PGS1: variants seen among roughly 807,000 people sequenced by gnomAD.
PGS1 encodes the protein phosphatidylglycerophosphate synthase 1, also known as CDP-diacylglycerol--glycerol-3-phosphate 3-phosphatidyltransferase, mitochondrial.
A neutral mutation model predicts 58.3 loss-of-function variants in PGS1; 44 were observed. The ratio of observed to expected loss-of-function variants is 0.75; its 90% CI spans 0.59 to 0.97. The LOEUF (loss-of-function observed/expected upper bound fraction) is 0.97, where lower values mean the gene tolerates loss of function less well. PGS1 is among the 50% of genes least tolerant of loss of function. PGS1 has a pLI of 0.00. For missense variants in PGS1, 684 were observed against 731.1 expected (o/e 0.94, Z 0.74); for synonymous variants, 330 against 311.0 (o/e 1.06, Z -0.64).
intron 9 of PGS1, 186 bp from the exon 10 acceptor site, chr17:78,423,875 C>T (rs760156744): frequency 1.2e-6 from 2 of 1,611,860 alleles, no homozygotes; most frequent in South Asian, 2.2e-5. Flanking sequence ...GGTCCAGCCC[C>T]AGGGAGTGTG....
At chr17:78,396,598 C>G (rs967783994) in intron 3 of PGS1, among the ~76,000 whole-genome samples, 14 of 152,194 alleles carry the variant, frequency 9.2e-5, no homozygotes, top group African/African-American at 3.4e-4. Flanking sequence ...TTGAAGAGGT[C>G]TGGTCTGGGC....
intron 1 of PGS1, among the ~76,000 whole-genome samples, chr17:78,388,506 TTTTTTTA>T (rs1555627704): frequency 6.6e-6 from 1 of 152,020 alleles, no homozygotes; most frequent in African/African-American, 2.4e-5. Context: ...GCTAATTTTT[TTTTTTTA>T]TTTTTTATTT....
In PGS1 at chr17:78,419,647, G is replaced by C. The variant is rs199969101; in HGVS notation, c.1653G>C (p.Leu551=). ...TGTGGGTGAAGATGGTGACTCCACT[G>C]ATCAAGAACTTCTTCTGAGGACAGA... ...VKLWVKMVTP[L]IKNFF The change falls in exon 9 of 10, where the codon CTG becomes CTC. Residue 551 remains leucine (L), a synonymous_variant. Coordinates refer to ENST00000262764, the MANE Select transcript of PGS1 (RefSeq NM_024419.5). The C allele has an allele frequency of 6.3e-5, 102 of 1,614,016 alleles. No individual in the cohort carries two copies. In the East Asian group the frequency reaches 2.3e-3, roughly 36 times the overall value.
rs1162874512 is a variant in PGS1 at position 78,403,622 on chromosome 17, A to G, written c.935A>G (p.Asn312Ser). 1 of 1,613,908 alleles carries G rather than the reference A, an allele frequency of 6.2e-7. No homozygotes were observed. The highest frequency in any genetic ancestry group is 1.3e-5 in the African/African-American group (1 of 74,866). The change falls in exon 7 of 10, where the codon AAC becomes AGC. Residue 312 changes from asparagine to serine, a missense_variant. Asn to Ser is a conservative substitution (Grantham distance 46). Coordinates refer to ENST00000262764, the MANE Select transcript of PGS1 (RefSeq NM_024419.5). ...AATAAGAGGGTCATGGATGTGATCA[A>G]CTCAGCCAGGACCCGCCAGCAGATG... ...AANKRVMDVINSARTRQQMLH... is the reference protein window; with the variant it reads ...AANKRVMDVISSARTRQQMLH...
In PGS1 at chr17:78,398,380, T is replaced by C; in HGVS notation, c.511+29T>C. 2.1e-6 allele frequency: 3 copies of C among 1,433,232 alleles called. No individual in the cohort carries two copies. In the South Asian group the frequency reaches 3.4e-5, roughly 16 times the overall value. The allele number at this position is 1,433,232 out of a possible 1,614,324, so 88.8% of individuals were successfully genotyped here. A position where few individuals can be genotyped will look rare whatever the true frequency, so the allele number is the denominator to read the frequency against. On this transcript the variant is annotated intron_variant, in intron 4 of 9. Transcript: ENST00000262764. ...GGTGGCATGCAAGCCTGGCCCCTCC[T>C]GCTTCCTGTGTCAGATCCTCAGTCC...
chr17:78,416,781 T>G (rs2085227356), intron 8 of PGS1, among the ~76,000 whole-genome samples: 1 of 152,212 alleles, frequency 6.6e-6, no homozygotes, highest in Non-Finnish European at 1.5e-5. Context: ...TGTTTCCAGA[T>G]AATTCCACCT....
At chr17:78,414,189 A>G (rs1451221126) in intron 7 of PGS1, among the ~76,000 whole-genome samples, 1 of 152,138 alleles carries the variant, frequency 6.6e-6, no homozygotes, top group Non-Finnish European at 1.5e-5. Context: ...GAGACTCACT[A>G]CATGTTCCTC....
At chr17:78,417,217 T>C (rs1411613682) in intron 8 of PGS1, among the ~76,000 whole-genome samples, 2 of 152,120 alleles carry the variant, frequency 1.3e-5, no homozygotes, top group African/African-American at 4.8e-5. Flanking sequence ...ACCTAAGTGT[T>C]TCTGGTAATT....
intron 2 of PGS1, among the ~76,000 whole-genome samples, chr17:78,395,526 G>A (rs1162407448): frequency 6.6e-6 from 1 of 152,096 alleles, no homozygotes; most frequent in African/African-American, 2.4e-5. Flanking sequence ...TCTTTTGGGG[G>A]TTTGACCTAT....
In PGS1 at chr17:78,400,650, C is replaced by T. The variant is rs771439263; in HGVS notation, c.702-27C>T. 4 of 1,611,072 alleles carry T rather than the reference C, an allele frequency of 2.5e-6. No homozygotes were observed. Among genetic ancestry groups the T allele is most frequent in the East Asian group, 4.5e-5 (2 of 44,770 alleles). On this transcript the variant is annotated intron_variant, in intron 5 of 9. Transcript: ENST00000262764. The surrounding 1 kb of genome is among the most constrained non-coding windows in gnomAD (Gnocchi z 4.4). Reference sequence around the variant, plus strand: ...TGCTGCATACCCTTGCCTGAGTCCTCCTCACCTGCATCTTCCCTCCCTGTA... The same window carrying T: ...TGCTGCATACCCTTGCCTGAGTCCTTCTCACCTGCATCTTCCCTCCCTGTA...
chr17:78,395,699 C>T (rs1043172538), intron 2 of PGS1, among the ~76,000 whole-genome samples: 6 of 152,150 alleles, frequency 3.9e-5, no homozygotes, highest in Admixed American at 2.0e-4. Context: ...AAGAGTGATT[C>T]GTGCCCAGTA....
chr17:78,394,311 A>C (rs376841371), intron 2 of PGS1, among the ~76,000 whole-genome samples: 68 of 151,060 alleles, frequency 4.5e-4, no homozygotes, highest in African/African-American at 1.6e-3. Context: ...CACTCATTTG[A>C]GTGCCTGCCC....
intron 7 of PGS1, among the ~76,000 whole-genome samples, chr17:78,409,216 A>G (rs973231846): frequency 6.6e-6 from 1 of 152,258 alleles, no homozygotes; most frequent in African/African-American, 2.4e-5. Flanking sequence ...CTGCTGGGAC[A>G]TGGGCTCTGC....
chr17:78,399,653 C>A lies in PGS1; in HGVS notation c.701+116C>A. ...AGTCTTGGAGAACCTGCTTGTAGGT[C>A]TGGCTGCTGTGCACCCGCGGCACCT... is the stretch of plus-strand genomic sequence containing the variant. On this transcript the variant is annotated intron_variant, in intron 5 of 9. Transcript: ENST00000262764. 3 of 1,031,958 alleles carry A rather than the reference C, an allele frequency of 2.9e-6. No homozygotes were observed. In the South Asian group the frequency reaches 4.5e-5, roughly 15 times the overall value. The allele number at this position is 1,031,958 out of a possible 1,614,324, so 63.9% of individuals were successfully genotyped here.
At position 78,396,297 on chromosome 17, in the gene PGS1, T is replaced by C; in HGVS notation, c.334-11T>C. The C allele has an allele frequency of 8.7e-6, 14 of 1,606,956 alleles. No homozygotes were observed. The highest frequency in any genetic ancestry group is 1.2e-5 in the Non-Finnish European group (14 of 1,173,426). ...GATGAATTTGAATTTTGAATTTTTC[T>C]CCTCTCTCAGGGGCAGATAAGAGTA... On this transcript the variant is annotated splice_polypyrimidine_tract_variant and intron_variant, in intron 2 of 9. Coordinates refer to ENST00000262764, the MANE Select transcript of PGS1 (RefSeq NM_024419.5).
At chr17:78,417,673 C>T (rs1370821322) in intron 8 of PGS1, among the ~76,000 whole-genome samples, 1 of 152,010 alleles carries the variant, frequency 6.6e-6, no homozygotes, top group Non-Finnish European at 1.5e-5. Context: ...TGCTGCTGTC[C>T]TGCGGTTGGC....
At position 78,381,874 on chromosome 17, in the gene PGS1, A is replaced by G. The variant is rs183716966; in HGVS notation, c.143+3066A>G. On this transcript the variant is annotated intron_variant, in intron 1 of 9. Transcript: ENST00000262764. ...TAGCATCTGACTCATTATCATTAGGAACTGCTGGATCCGTTAATTTATTCA... is the reference window on the plus strand; with the variant it reads ...TAGCATCTGACTCATTATCATTAGGGACTGCTGGATCCGTTAATTTATTCA... Among the ~76,000 whole-genome samples the G allele has an allele frequency of 1.4e-3, 217 of 152,300 alleles. 2 individuals are homozygous for G. Among genetic ancestry groups the G allele is most frequent in the African/African-American group, 4.8e-3 (201 of 41,566 alleles).
chr17:78,414,531 C>G (rs1555640194), intron 7 of PGS1, among the ~76,000 whole-genome samples: 1 of 152,172 alleles, frequency 6.6e-6, no homozygotes, highest in Non-Finnish European at 1.5e-5. Flanking sequence ...CAGTGGGCAG[C>G]TGGGCAGGGG....
chr17:78,385,240 T>C (rs1011387982), intron 1 of PGS1, among the ~76,000 whole-genome samples: 8 of 151,898 alleles, frequency 5.3e-5, no homozygotes, highest in African/African-American at 1.9e-4. Flanking sequence ...TGCCTCAACC[T>C]CCCAAGTAGC....
Sources: gnomAD v4.1 joint callset for allele counts (sites outside exome capture counted in the v4.1 genomes callset) on GRCh38, gnomAD v4.1.1 for gene constraint, Gnocchi (gnomAD v3.1) non-coding constraint, MANE v1.5 for transcripts, NCBI Gene and HGNC (gene_info 2026-07-23, HGNC 2026-07-21) for gene names.